Variants in NRXN3 observed in about 807,000 individuals in gnomAD.
The protein encoded by NRXN3 is neurexin III.
A neutral mutation model predicts 137.6 loss-of-function variants in NRXN3; 32 were observed. The ratio of observed to expected loss-of-function variants is 0.23; its 90% CI spans 0.18 to 0.31. The LOEUF (loss-of-function observed/expected upper bound fraction) is 0.31, where lower values mean the gene tolerates loss of function less well. Among genes scored for constraint, NRXN3 ranks in the 10% least tolerant of loss-of-function variants. The pLI, the probability that NRXN3 is intolerant of heterozygous loss-of-function variation, is 1.00. For synonymous variants in NRXN3, 798 were observed against 784.5 expected, an observed-to-expected ratio of 1.02 and a Z score of -0.29; for missense variants, 1,574 against 2,062.5, an observed-to-expected ratio of 0.76 and a Z score of 4.59.
intron 10 of NRXN3, among the ~76,000 whole-genome samples, chr14:78,875,203 TG>T (rs1555543779): frequency 1.3e-5 from 2 of 152,182 alleles, no homozygotes; most frequent in Non-Finnish European, 2.9e-5. Context: ...GTTCTAGAAC[TG>T]GCAAAACAAC....
At chr14:79,483,651 T>C (rs1025293414) in intron 16 of NRXN3, among the ~76,000 whole-genome samples, 5 of 152,166 alleles carry the variant, frequency 3.3e-5, no homozygotes, top group African/African-American at 4.8e-5. Context: ...CCCAAGGATG[T>C]ATTTGTGTGG....
rs2089541717 is a variant in NRXN3 at position 78,383,871 on chromosome 14, A to T, written c.757+86011A>T. Among the ~76,000 whole-genome samples the T allele has an allele frequency of 3.9e-5, 6 of 152,302 alleles. No homozygotes were observed. The South Asian group carries it at 1.2e-3, about 32-fold the overall frequency. On this transcript the variant is annotated intron_variant, in intron 4 of 20. Coordinates refer to ENST00000335750, the MANE Select transcript of NRXN3 (RefSeq NM_001330195.2). ...AGGAGAATTTTTGTACCTTGACCTT[A>T]TAAAATTCCCTGATGAGGAATCTAT...
At chr14:78,431,681 C>T (rs762911005) in intron 4 of NRXN3, among the ~76,000 whole-genome samples, 5 of 151,360 alleles carry the variant, frequency 3.3e-5, no homozygotes, top group Non-Finnish European at 5.9e-5. Context: ...GTAGACCTCA[C>T]GGATGCTTAT....
chr14:78,211,098 C>T (rs115746978), intron 1 of NRXN3, among the ~76,000 whole-genome samples: 16 of 152,288 alleles, frequency 1.1e-4, no homozygotes, highest in African/African-American at 3.9e-4. Context: ...GTGCCTGGCA[C>T]ATAGTGAGTA....
intron 15 of NRXN3, among the ~76,000 whole-genome samples, chr14:79,153,112 C>A (rs2059950704): frequency 6.6e-6 from 1 of 151,900 alleles, no homozygotes; most frequent in Non-Finnish European, 1.5e-5. Flanking sequence ...GGAGAATGAG[C>A]TTCCAAGGCA....
intron 15 of NRXN3, among the ~76,000 whole-genome samples, chr14:79,386,231 A>C (rs1028819883): frequency 2.0e-5 from 3 of 152,182 alleles, no homozygotes; most frequent in Non-Finnish European, 2.9e-5. Flanking sequence ...AAATCTCCTT[A>C]CGCTGAGAGG....
chr14:79,336,226 T>G (rs543006250), intron 15 of NRXN3, among the ~76,000 whole-genome samples: 166 of 152,198 alleles, frequency 1.1e-3, no homozygotes, highest in Non-Finnish European at 2.1e-3. Flanking sequence ...AAACTCCAAT[T>G]ATTTCCCCCC....
chr14:78,715,274 C>T, intron 8 of NRXN3, 135 bp downstream of exon 8: 2 of 1,100,666 alleles, frequency 1.8e-6, no homozygotes, highest in South Asian at 3.3e-5. Context: ...TACTGATTTC[C>T]AGATTGCACC....
intron 16 of NRXN3, among the ~76,000 whole-genome samples, chr14:79,485,819 T>C (rs1445211647): frequency 6.6e-6 from 1 of 152,162 alleles, no homozygotes; most frequent in African/African-American, 2.4e-5. Context: ...CATGTTTTCA[T>C]ATATTTTAAC....
chr14:78,320,323 AG>A (rs2079175513), intron 4 of NRXN3, among the ~76,000 whole-genome samples: 1 of 152,140 alleles, frequency 6.6e-6, no homozygotes, highest in South Asian at 2.1e-4. Context: ...AGGCAGTGAG[AG>A]GAGAAACAGG....
chr14:79,278,378 C>T (rs1039679235), intron 15 of NRXN3, among the ~76,000 whole-genome samples: 2 of 152,166 alleles, frequency 1.3e-5, no homozygotes, highest in Non-Finnish European at 1.5e-5. Context: ...ACAGTGTTAC[C>T]GTGTCCTGGC....
chr14:78,973,241 A>G (rs536062081), intron 14 of NRXN3, among the ~76,000 whole-genome samples: 3 of 152,304 alleles, frequency 2.0e-5, no homozygotes, highest in East Asian at 1.9e-4. Context: ...AGTAGTTGCC[A>G]TGGAGGGGTT....
chr14:78,244,456 A>T (rs1215787841), intron 2 of NRXN3, among the ~76,000 whole-genome samples: 2 of 151,910 alleles, frequency 1.3e-5, no homozygotes, highest in African/African-American at 4.8e-5. Flanking sequence ...AAAGAAAAGA[A>T]ATTGGCAAAT....
At chr14:79,557,686 G>A (rs1271459913) in intron 16 of NRXN3, among the ~76,000 whole-genome samples, 3 of 152,126 alleles carry the variant, frequency 2.0e-5, no homozygotes, top group Non-Finnish European at 4.4e-5. Context: ...AGCCTTCAGA[G>A]AGTCATAACC....
chr14:78,680,139 A>G (rs979930791), intron 6 of NRXN3, among the ~76,000 whole-genome samples: 4 of 152,204 alleles, frequency 2.6e-5, no homozygotes, highest in African/African-American at 9.6e-5. Context: ...ACAGAAAACC[A>G]AATACTGCAT....
intron 15 of NRXN3, among the ~76,000 whole-genome samples, chr14:79,358,637 G>GAAAGAAAGAA (rs2093558771): frequency 6.7e-6 from 1 of 150,346 alleles, no homozygotes; most frequent in South Asian, 2.1e-4. Flanking sequence ...AAGAAAGAAA[G>GAAAGAAAGAA]AAAGAAAGAA....
chr14:78,531,429 T>C (rs1187372887), intron 4 of NRXN3, among the ~76,000 whole-genome samples: 1 of 152,228 alleles, frequency 6.6e-6, no homozygotes, highest in Non-Finnish European at 1.5e-5. Flanking sequence ...CTAATGTTGC[T>C]TGATGGAAGG....
At chr14:79,719,923 A>G (rs1361820649) in intron 19 of NRXN3, among the ~76,000 whole-genome samples, 1 of 152,176 alleles carries the variant, frequency 6.6e-6, no homozygotes. Flanking sequence ...TCTGTTGCAT[A>G]GTGACCTTTC....
chr14:79,192,689 A>G (rs1475234587), intron 15 of NRXN3, among the ~76,000 whole-genome samples: 3 of 152,104 alleles, frequency 2.0e-5, no homozygotes, highest in Non-Finnish European at 4.4e-5. Context: ...TACTGTGTGC[A>G]AAGTTTGTCA....
Sources: gnomAD v4.1 joint callset for allele counts (sites outside exome capture counted in the v4.1 genomes callset) on GRCh38, gnomAD v4.1.1 for gene constraint, MANE v1.5 for transcripts, NCBI Gene and HGNC (gene_info 2026-07-23, HGNC 2026-07-21) for gene names.